The following ADAMTSL1 variants were observed in gnomAD, a reference collection of about 807,000 sequenced individuals.
ADAMTSL1 encodes ADAMTS like 1.
ADAMTSL1 carries 126 observed loss-of-function variants against 201.8 expected under a neutral mutation model. The observed-to-expected ratio is 0.62, with a 90% CI of 0.54 to 0.72. ADAMTSL1 has a LOEUF of 0.72. Among genes scored for constraint, ADAMTSL1 ranks in the 30% least tolerant of loss-of-function variants. The pLI is 0.00. For synonymous variants in ADAMTSL1, 1,121 were observed against 903.4 expected (o/e 1.24, Z -4.32); for missense variants, 2,679 against 2,277.8 (o/e 1.18, Z -3.59).
At chr9:18,539,495 C>G (rs879409824) in intron 3 of ADAMTSL1, among the ~76,000 whole-genome samples, 4 of 152,214 alleles carry the variant, frequency 2.6e-5, no homozygotes, top group South Asian at 2.1e-4. Flanking sequence ...ACGCAGAAAA[C>G]TCACAGAACT....
intron 2 of ADAMTSL1, among the ~76,000 whole-genome samples, chr9:18,290,926 T>C (rs911219882): frequency 2.6e-5 from 4 of 151,928 alleles, no homozygotes; most frequent in African/African-American, 9.7e-5. Context: ...GGACTACAGG[T>C]GCCTGCCACG....
chr9:18,425,859 GAAAAA>G (rs71304881), intron 2 of ADAMTSL1, among the ~76,000 whole-genome samples: 2 of 94,618 alleles, frequency 2.1e-5, no homozygotes, highest in Non-Finnish European at 3.9e-5. Context: ...CCTGTCTCAA[GAAAAA>G]AAAAAAAAAA....
intron 8 of ADAMTSL1, among the ~76,000 whole-genome samples, chr9:18,660,363 T>G (rs1388787827): frequency 1.3e-5 from 2 of 152,200 alleles, no homozygotes; most frequent in Admixed American, 6.5e-5. Context: ...TAGTGTAAAA[T>G]TTGCTACTCC....
intron 23 of ADAMTSL1, among the ~76,000 whole-genome samples, chr9:18,887,319 A>G (rs1178626343): frequency 6.6e-6 from 1 of 152,226 alleles, no homozygotes; most frequent in South Asian, 2.1e-4. Context: ...ATGCAGAAAA[A>G]AGATCCATGT....
At chr9:18,641,581 C>A (rs1297010643) in intron 7 of ADAMTSL1, among the ~76,000 whole-genome samples, 1 of 151,858 alleles carries the variant, frequency 6.6e-6, no homozygotes, top group Non-Finnish European at 1.5e-5. Flanking sequence ...TTCAGTGTTT[C>A]TTTAGAAAAC....
chr9:18,747,669 C>T (rs960307513), intron 15 of ADAMTSL1, among the ~76,000 whole-genome samples: 5 of 152,034 alleles, frequency 3.3e-5, no homozygotes, highest in African/African-American at 7.2e-5. Context: ...CATTTAAGTA[C>T]GATATAAATG....
chr9:18,769,977 G>A (rs1385840352), intron 16 of ADAMTSL1, among the ~76,000 whole-genome samples: 12 of 152,098 alleles, frequency 7.9e-5, no homozygotes, highest in Non-Finnish European at 1.6e-4. Context: ...TTTTATTGGG[G>A]TTCCTCTGAA....
chr9:18,226,647 C>G (rs756300061), intron 2 of ADAMTSL1, among the ~76,000 whole-genome samples: 4 of 152,026 alleles, frequency 2.6e-5, no homozygotes, highest in African/African-American at 9.7e-5. Flanking sequence ...TTACCTTAGC[C>G]TGGTGTTTGA....
intron 2 of ADAMTSL1, among the ~76,000 whole-genome samples, chr9:18,272,933 A>T (rs1832438056): frequency 6.6e-6 from 1 of 152,214 alleles, no homozygotes; most frequent in African/African-American, 2.4e-5. Flanking sequence ...TTAGTATATT[A>T]TTTTTAATGG....
At chr9:18,617,320 A>ACAT (rs1292253481) in intron 4 of ADAMTSL1, among the ~76,000 whole-genome samples, 2 of 152,172 alleles carry the variant, frequency 1.3e-5, no homozygotes, top group Non-Finnish European at 1.5e-5. Flanking sequence ...ATTTTATTAA[A>ACAT]CATATTTCAG....
intron 1 of ADAMTSL1, among the ~76,000 whole-genome samples, chr9:17,934,935 C>T (rs942074333): frequency 6.7e-6 from 1 of 149,078 alleles, no homozygotes; most frequent in Non-Finnish European, 1.5e-5. Context: ...CTGTATTGGA[C>T]CTTCCCCTTT....
In ADAMTSL1 at chr9:17,937,480, C is replaced by G. The variant is rs150275878; in HGVS notation, c.87+30558C>G. On this transcript the variant is annotated intron_variant, in intron 1 of 29. Transcript: ENST00000680146. ...GGGCAACTAGATTTGGATAGTTGAT[C>G]AGAAGCCCAGATCTAATTCTATAAC... is the stretch of plus-strand genomic sequence containing the variant. Among the ~76,000 whole-genome samples, 18 of 152,040 alleles carry G rather than the reference C, an allele frequency of 1.2e-4. No homozygotes were observed. In the East Asian group the frequency reaches 3.5e-3, roughly 29 times the overall value.
chr9:17,966,668 A>T (rs1237310144), intron 1 of ADAMTSL1, among the ~76,000 whole-genome samples: 3 of 152,026 alleles, frequency 2.0e-5, no homozygotes, highest in Non-Finnish European at 4.4e-5. Flanking sequence ...TTTCCTTACA[A>T]TTATCTGTGA....
At chr9:18,609,804 A>G (rs1437379501) in intron 4 of ADAMTSL1, among the ~76,000 whole-genome samples, 2 of 152,228 alleles carry the variant, frequency 1.3e-5, no homozygotes, top group Non-Finnish European at 2.9e-5. Context: ...CAGAAATTCC[A>G]GGATAGTGGT....
At chr9:17,919,962 T>C (rs541940071) in intron 1 of ADAMTSL1, among the ~76,000 whole-genome samples, 1 of 152,312 alleles carries the variant, frequency 6.6e-6, no homozygotes, top group African/African-American at 2.4e-5. Context: ...TCCTAATTTT[T>C]CCACATCCTC....
At chr9:18,885,981 T>C (rs1828826947) in intron 23 of ADAMTSL1, among the ~76,000 whole-genome samples, 1 of 151,698 alleles carries the variant, frequency 6.6e-6, no homozygotes, top group South Asian at 2.1e-4. Context: ...GTTCTATCTC[T>C]GGATTCAAAA....
At chr9:18,706,676 CCCCTCACAGCCCCCATGGCT>C (rs1427120902) in intron 13 of ADAMTSL1, 51 bp from the exon 14 acceptor site, 3 of 1,451,672 alleles carry the variant, frequency 2.1e-6, no homozygotes, top group African/African-American at 2.8e-5. Flanking sequence ...TGGGATGCAG[CCCCTCACAGCCCCCATGGCT>C]TCCTGCCTGG....
chr9:18,141,199 A>T (rs1191368036), intron 1 of ADAMTSL1, among the ~76,000 whole-genome samples: 1 of 152,040 alleles, frequency 6.6e-6, no homozygotes, highest in African/African-American at 2.4e-5. Context: ...TTCTCAACCA[A>T]CCCCCACCCC....
chr9:18,428,130 T>A (rs945199500), intron 2 of ADAMTSL1, among the ~76,000 whole-genome samples: 1 of 152,216 alleles, frequency 6.6e-6, no homozygotes, highest in Non-Finnish European at 1.5e-5. Flanking sequence ...GATCATTATA[T>A]AATTTTTCCA....
Sources: allele counts gnomAD v4.1 joint callset (sites outside exome capture counted in the v4.1 genomes callset), GRCh38; gene constraint gnomAD v4.1.1; transcripts MANE v1.5; gene names NCBI Gene and HGNC (gene_info 2026-07-23, HGNC 2026-07-21).